PATJ: variants seen among roughly 807,000 people sequenced by gnomAD.
The protein encoded by PATJ is inaD-like protein.
A neutral mutation model predicts 224.9 loss-of-function variants in PATJ; 190 were observed. That is an observed-to-expected ratio of 0.84 (90% CI 0.75 to 0.95). The LOEUF is 0.95. Ranked by LOEUF, PATJ falls within the 40% of genes least tolerant of loss-of-function variation. The pLI is 0.00. For missense variants in PATJ, 2,121 were observed against 2,270.3 expected (o/e 0.93, Z 1.34); for synonymous variants, 769 against 820.3 (o/e 0.94, Z 1.07).
chr1:61,987,485 C>A (rs1376058192), intron 27 of PATJ, among the ~76,000 whole-genome samples: 1 of 152,008 alleles, frequency 6.6e-6, no homozygotes, highest in African/African-American at 2.4e-5. Context: ...GCTGCGATAT[C>A]ATTTCTTAAC....
At position 62,106,158 on chromosome 1, in the gene PATJ, G is replaced by GTATATATATATATATATATATA. The variant is rs61653676; in HGVS notation, c.4378-2271_4378-2250dup. Among the ~76,000 whole-genome samples, 254 of 48,006 alleles carry GTATATATATATATATATATATA rather than the reference G, an allele frequency of 5.3e-3. 12 individuals carry two copies. The highest frequency in any genetic ancestry group is 8.5e-3 in the Non-Finnish European group (194 of 22,780). 31.5% of individuals were successfully genotyped at this position (48,006 alleles called of 152,430 possible). A position where few individuals can be genotyped will look rare whatever the true frequency, so the allele number is the denominator to read the frequency against. On this transcript the variant is annotated intron_variant, in intron 33 of 43. Transcript: ENST00000642238. The stretch of plus-strand genomic sequence containing the variant: ...TACATGTGTATATGTGTGTGTGTGT[G>GTATATATATATATATATATATA]TATATATATATATATATATATATAT...
chr1:62,083,149 G>C (rs145688444), intron 32 of PATJ, among the ~76,000 whole-genome samples: 2 of 152,024 alleles, frequency 1.3e-5, no homozygotes, highest in Non-Finnish European at 2.9e-5. Flanking sequence ...ATTTTGAGAC[G>C]GAGTTTCACT....
chr1:61,795,486 T>C lies in PATJ; in HGVS notation c.1188T>C (p.Tyr396=). 1 of 1,602,896 alleles carries C rather than the reference T, an allele frequency of 6.2e-7. No homozygotes were observed. The highest frequency in any genetic ancestry group is 8.5e-7 in the Non-Finnish European group (1 of 1,172,486). ...CTTAAGGGGAAGCTTCAGGGATTTATGTGAAAAGTATAATACCTGGCAGTG... is the reference window on the plus strand; with the variant it reads ...CTTAAGGGGAAGCTTCAGGGATTTACGTGAAAAGTATAATACCTGGCAGTG... ...TSHTGEASGI[Y]VKSIIPGSAA... Residue 396 remains tyrosine (Y), a synonymous_variant, in exon 10 of 44, where the codon TAT becomes TAC. Coordinates refer to ENST00000642238, the MANE Select transcript of PATJ (RefSeq NM_001350145.3).
chr1:62,077,058 G>T (rs929345332), intron 31 of PATJ, among the ~76,000 whole-genome samples: 1 of 152,114 alleles, frequency 6.6e-6, no homozygotes, highest in Non-Finnish European at 1.5e-5. Flanking sequence ...TCAAATGGTG[G>T]CATCCATTCT....
chr1:61,940,111 G>T (rs1571398948), intron 27 of PATJ, among the ~76,000 whole-genome samples: 1 of 152,050 alleles, frequency 6.6e-6, no homozygotes, highest in Non-Finnish European at 1.5e-5. Flanking sequence ...AGCAATTGTA[G>T]TAATATATAT....
chr1:61,873,000 C>T lies in PATJ; in HGVS notation c.2836-2243C>T, dbSNP rs555660069. ...CCTTCTCTTATCATTGAAGTCTGAC[C>T]ACTTTACAGAAAAAGTAGACCATTT... is the stretch of plus-strand genomic sequence containing the variant. On this transcript the variant is annotated intron_variant, in intron 20 of 43. Coordinates refer to ENST00000642238, the MANE Select transcript of PATJ (RefSeq NM_001350145.3). 7.9e-5 allele frequency among the ~76,000 whole-genome samples: 12 copies of T among 152,182 alleles called. No homozygotes were observed. In the East Asian group the frequency reaches 2.3e-3, roughly 29 times the overall value.
chr1:62,098,812 A>AT (rs1661739344), intron 33 of PATJ, among the ~76,000 whole-genome samples: 1 of 152,210 alleles, frequency 6.6e-6, no homozygotes, highest in East Asian at 1.9e-4. Context: ...AAATTTTTAA[A>AT]GCATTTGGTC....
chr1:61,766,609 G>A, intron 4 of PATJ, 136 bp downstream of exon 4: 1 of 540,218 alleles, frequency 1.9e-6, no homozygotes, highest in Non-Finnish European at 3.1e-6. Flanking sequence ...TATATTGTTA[G>A]GAGAAACTGA....
chr1:61,999,535 G>A (rs1270301228), intron 28 of PATJ, among the ~76,000 whole-genome samples: 1 of 152,006 alleles, frequency 6.6e-6, no homozygotes, highest in African/African-American at 2.4e-5. Flanking sequence ...AAAAATGGTG[G>A]TACACAGCTG....
At chr1:61,859,620 TTTG>T (rs1184239897) in intron 18 of PATJ, among the ~76,000 whole-genome samples, 2 of 152,018 alleles carry the variant, frequency 1.3e-5, no homozygotes, top group African/African-American at 2.4e-5. Context: ...CTAATTTTTT[TTTG>T]TTGTTGTTTT....
chr1:62,008,353 T>C (rs1335802765), intron 28 of PATJ, among the ~76,000 whole-genome samples: 1 of 152,210 alleles, frequency 6.6e-6, no homozygotes, highest in Non-Finnish European at 1.5e-5. Context: ...CCTCATCTGG[T>C]CTGGCTTTCT....
In PATJ at chr1:61,763,161, C is replaced by A; in HGVS notation, c.171C>A (p.Ile57=). Residue 57 remains isoleucine (I), a synonymous_variant, in exon 3 of 44, where the codon ATC becomes ATA. Transcript: ENST00000642238. The stretch of plus-strand genomic sequence containing the variant: ...AGATACTCACACTTCAGCAGTCCAT[C>A]AAGCAACTGAAGGGTCAAGTAAGTT... The part of the protein sequence containing the change: ...FNQILTLQQS[I]KQLKGQLNHI... The A allele has an allele frequency of 6.3e-7, 1 of 1,588,476 alleles. No homozygotes were observed. Among genetic ancestry groups the A allele is most frequent in the Non-Finnish European group, 8.6e-7 (1 of 1,168,446 alleles).
At chr1:62,061,691 A>C (rs2498978) in intron 31 of PATJ, among the ~76,000 whole-genome samples, 2 of 150,092 alleles carry the variant, frequency 1.3e-5, no homozygotes, top group East Asian at 2.0e-4. Context: ...ATGGAGTCTC[A>C]CTCTGTGGCC....
At position 61,796,724 on chromosome 1, in the gene PATJ, T is replaced by TTCTTTC. The variant is rs1223383945; in HGVS notation, c.1261-562_1261-561insCTTTCT. Among the ~76,000 whole-genome samples, 80 of 52,716 alleles carry TTCTTTC rather than the reference T, an allele frequency of 1.5e-3. No individual in the cohort carries two copies. In the South Asian group the frequency reaches 0.016, roughly 11 times the overall value. 34.6% of individuals were successfully genotyped at this position (52,716 alleles called of 152,430 possible). A position where few individuals can be genotyped will look rare whatever the true frequency, so the allele number is the denominator to read the frequency against. Reference sequence around the variant, plus strand: ...TTTCTTTCTTTCTTTCTTTCTTTCTTTTTCTTTCTTTCTTTCTTTTTTTTC... The same window carrying TTCTTTC: ...TTTCTTTCTTTCTTTCTTTCTTTCTTTCTTTCTTTCTTTCTTTCTTTCTTTTTTTTC... On this transcript the variant is annotated intron_variant, in intron 10 of 43. Coordinates refer to ENST00000642238, the MANE Select transcript of PATJ (RefSeq NM_001350145.3).
intron 15 of PATJ, among the ~76,000 whole-genome samples, chr1:61,826,154 T>C (rs1658210957): frequency 6.6e-6 from 1 of 152,216 alleles, no homozygotes; most frequent in Non-Finnish European, 1.5e-5. Context: ...TTGTAAATAA[T>C]TAAGAGGCAG....
rs554095034 is a variant in PATJ at position 61,886,618 on chromosome 1, G to A, written c.3131+2210G>A. 2.3e-3 allele frequency among the ~76,000 whole-genome samples: 354 copies of A among 151,722 alleles called. 3 individuals carry two copies. Among genetic ancestry groups the A allele is most frequent in the Non-Finnish European group, 4.2e-3 (282 of 67,850 alleles). ...GTAGATCACCTGAGGTCAGGAGTTC[G>A]AGACTAGCCTGGCCAACATGGTGAA... On this transcript the variant is annotated intron_variant, in intron 22 of 43. Transcript: ENST00000642238.
chr1:61,896,532 T>A (rs1670393363), intron 22 of PATJ, among the ~76,000 whole-genome samples: 1 of 152,108 alleles, frequency 6.6e-6, no homozygotes, highest in South Asian at 2.1e-4. Flanking sequence ...GACTTTTGGG[T>A]TAATGCTAAA....
At chr1:61,845,149 T>C (rs1338522336) in intron 17 of PATJ, among the ~76,000 whole-genome samples, 3 of 152,190 alleles carry the variant, frequency 2.0e-5, no homozygotes, top group Non-Finnish European at 2.9e-5. Flanking sequence ...CTGTACTCTG[T>C]GTCAGGAATT....
chr1:61,796,039 T>C (rs1651022712), intron 10 of PATJ, among the ~76,000 whole-genome samples: 1 of 152,134 alleles, frequency 6.6e-6, no homozygotes, highest in Non-Finnish European at 1.5e-5. Flanking sequence ...TTTCCCCCAT[T>C]TAGTAGAAAT....
Sources: gnomAD v4.1 joint callset for allele counts (sites outside exome capture counted in the v4.1 genomes callset) on GRCh38, gnomAD v4.1.1 for gene constraint, MANE v1.5 for transcripts, NCBI Gene and HGNC (gene_info 2026-07-23, HGNC 2026-07-21) for gene names.